PKIA: variants seen among roughly 807,000 people sequenced by gnomAD.
PKIA encodes the protein PKI-alpha.
In PKIA, 4 loss-of-function variants were observed where a neutral mutation model predicts 7.6. The ratio of observed to expected loss-of-function variants is 0.52; its 90% confidence interval spans 0.26 to 1.20. The LOEUF (loss-of-function observed/expected upper bound fraction) is 1.20, where lower values mean the gene tolerates loss of function less well. PKIA is among the 50% of genes most tolerant of loss of function. The probability of loss-of-function intolerance (pLI) is 0.13; values close to 1 mark genes in which losing one functional copy is unlikely to be tolerated. For synonymous variants in PKIA, 21 were observed against 30.7 expected (o/e 0.68, Z 1.04); for missense variants, 73 against 86.2 (o/e 0.85, Z 0.61).
intron 2 of PKIA, among the ~76,000 whole-genome samples, chr8:78,584,302 A>T (rs1371694029): frequency 6.6e-6 from 1 of 152,096 alleles, no homozygotes; most frequent in Non-Finnish European, 1.5e-5. Context: ...TAAGTTTAAA[A>T]GTCACCCTAG....
intron 1 of PKIA, among the ~76,000 whole-genome samples, chr8:78,542,654 T>C (rs1245467112): frequency 6.6e-6 from 1 of 152,126 alleles, no homozygotes; most frequent in East Asian, 1.9e-4. Context: ...TTTGGTTTCA[T>C]TTTTCTTCCT....
chr8:78,537,512 A>G (rs935718986), intron 1 of PKIA, among the ~76,000 whole-genome samples: 2 of 152,032 alleles, frequency 1.3e-5, no homozygotes, highest in Non-Finnish European at 2.9e-5. Flanking sequence ...AAAGTCTTCA[A>G]TTTTATCCAC....
At position 78,539,055 on chromosome 8, in the gene PKIA, G is replaced by A. The variant is rs550777864; in HGVS notation, c.-157+22587G>A. Among the ~76,000 whole-genome samples the A allele has an allele frequency of 2.6e-5, 4 of 152,170 alleles. No individual in the cohort carries two copies. The East Asian group carries it at 5.8e-4, about 22-fold the overall frequency. On this transcript the variant is annotated intron_variant, in intron 1 of 3. Transcript: ENST00000396418. ...ACAAGGTGAGTAATGAAAGGCAGAA[G>A]TGGTATATTGGCAGGCCTGGAAATC...
At position 78,601,815 on chromosome 8, in the gene PKIA, A is replaced by G. The variant is rs748058761; in HGVS notation, c.225A>G (p.Glu75=). The change falls in exon 4 of 4, where the codon GAA becomes GAG. Residue 75 remains glutamate, a synonymous_variant. Coordinates refer to ENST00000396418, the MANE Select transcript of PKIA (RefSeq NM_006823.4). The stretch of plus-strand genomic sequence containing the variant: ...CCCAGGGAGAAGCAGCAAAATCTGA[A>G]AGCTAACACCCCACTTTGACCCTCG... ...GEAQGEAAKS[E]S is the part of the protein sequence containing the mutation. 1 of 1,610,744 alleles carries G rather than the reference A, an allele frequency of 6.2e-7. No individual in the cohort carries two copies. The highest frequency in any genetic ancestry group is 1.1e-5 in the South Asian group (1 of 90,978).
chr8:78,523,836 T>C (rs943841843), intron 1 of PKIA, among the ~76,000 whole-genome samples: 4 of 148,010 alleles, frequency 2.7e-5, no homozygotes, highest in Admixed American at 6.9e-5. Context: ...ACTATGGTAA[T>C]ATATTAACAA....
At chr8:78,599,077 G>C (rs773537012) in intron 3 of PKIA, among the ~76,000 whole-genome samples, 11 of 151,964 alleles carry the variant, frequency 7.2e-5, no homozygotes, top group Non-Finnish European at 1.3e-4. Flanking sequence ...AGATAGAATG[G>C]GTTTGTGAAA....
intron 2 of PKIA, among the ~76,000 whole-genome samples, chr8:78,580,576 G>A (rs1462477414): frequency 6.6e-6 from 1 of 152,036 alleles, no homozygotes; most frequent in East Asian, 1.9e-4. Context: ...GTGAGCTGTT[G>A]AAAGTTATTG....
chr8:78,540,772 C>T (rs1202039920), intron 1 of PKIA, among the ~76,000 whole-genome samples: 2 of 151,676 alleles, frequency 1.3e-5, no homozygotes, highest in Non-Finnish European at 2.9e-5. Flanking sequence ...ACTCTAATTA[C>T]AATGATTCCA....
In PKIA at chr8:78,601,775, A is replaced by T. The variant is rs758540437; in HGVS notation, c.185A>T (p.Glu62Val). 1.2e-6 allele frequency: 2 copies of T among 1,612,440 alleles called. No individual in the cohort carries two copies. The highest frequency in any genetic ancestry group is 2.7e-5 in the African/African-American group (2 of 74,814). The change falls in exon 4 of 4, where the codon GAA becomes GTA. Residue 62 changes from glutamate to valine, a missense_variant. Physicochemically the swap from Glu to Val is moderately radical, Grantham distance 121. Coordinates refer to ENST00000396418, the MANE Select transcript of PKIA (RefSeq NM_006823.4). ...GAAGATGCACAACGAAGTTCTACAG[A>T]ACAAAGTGGGGAAGCCCAGGGAGAA... ...GEEDAQRSST[E>V]QSGEAQGEAA...
chr8:78,594,363 TAAAA>T (rs112951068), intron 2 of PKIA, among the ~76,000 whole-genome samples: 1 of 138,406 alleles, frequency 7.2e-6, no homozygotes, highest in African/African-American at 2.7e-5. Flanking sequence ...TGGTTGAAGT[TAAAA>T]AAAAAAAAAA....
chr8:78,524,271 T>C (rs1446463638), intron 1 of PKIA, among the ~76,000 whole-genome samples: 2 of 146,384 alleles, frequency 1.4e-5, no homozygotes, highest in South Asian at 4.2e-4. Context: ...TTTCTACTTA[T>C]AAGGTATAAT....
chr8:78,517,649 T>G (rs1809340923), intron 1 of PKIA, among the ~76,000 whole-genome samples: 1 of 152,190 alleles, frequency 6.6e-6, no homozygotes, highest in Admixed American at 6.5e-5. Flanking sequence ...CTCTAGTTTG[T>G]CTTGCCATTT....
chr8:78,548,751 T>C (rs917997231), intron 1 of PKIA, among the ~76,000 whole-genome samples: 18 of 152,092 alleles, frequency 1.2e-4, no homozygotes, highest in African/African-American at 4.3e-4. Context: ...CATGTTGACT[T>C]AGATATTAAG....
chr8:78,571,146 CTTT>C (rs76005007), intron 1 of PKIA, among the ~76,000 whole-genome samples: 1 of 139,908 alleles, frequency 7.1e-6, no homozygotes, highest in Non-Finnish European at 1.6e-5. Context: ...TTAATTTTTC[CTTT>C]TTTTTTTTTT....
chr8:78,548,616 G>A lies in PKIA; in HGVS notation c.-156-24195G>A, dbSNP rs552729811. Among the ~76,000 whole-genome samples, 7 of 152,178 alleles carry A rather than the reference G, an allele frequency of 4.6e-5. No homozygotes were observed. In the East Asian group the frequency reaches 1.4e-3, roughly 29 times the overall value. The stretch of plus-strand genomic sequence containing the variant: ...GTGGAAACAAAGAATTAAACAGCAA[G>A]GAAATTTGGTTTTCCTTAAGAACAC... On this transcript the variant is annotated intron_variant, in intron 1 of 3. Transcript: ENST00000396418.
chr8:78,553,264 A>C (rs1340276462), intron 1 of PKIA, among the ~76,000 whole-genome samples: 1 of 151,882 alleles, frequency 6.6e-6, no homozygotes, highest in Non-Finnish European at 1.5e-5. Flanking sequence ...ATAAACACCT[A>C]AAAAGTTCAG....
At chr8:78,591,011 T>C (rs1411586545) in intron 2 of PKIA, among the ~76,000 whole-genome samples, 2 of 152,170 alleles carry the variant, frequency 1.3e-5, no homozygotes, top group Non-Finnish European at 2.9e-5. Context: ...AAAAGGGGAA[T>C]TTTCTTTCTT....
intron 2 of PKIA, among the ~76,000 whole-genome samples, chr8:78,596,682 T>C (rs774685590): frequency 1.4e-4 from 22 of 152,248 alleles, no homozygotes; most frequent in Admixed American, 7.9e-4. Context: ...TTATGTCCCA[T>C]TTGTCAATTT....
Position 78,567,407 on chromosome 8 carries a change from C to T in PKIA, c.-156-5404C>T, listed in dbSNP as rs138798466. 6.0e-4 allele frequency among the ~76,000 whole-genome samples: 92 copies of T among 152,168 alleles called. No individual in the cohort carries two copies. The East Asian group carries it at 0.016, about 27-fold the overall frequency. ...CTTTCCTTATTTTTGAAGACCTTGA[C>T]AATTTTGGATAATACTGGACAGGTA... On this transcript the variant is annotated intron_variant, in intron 1 of 3. Coordinates refer to ENST00000396418, the MANE Select transcript of PKIA (RefSeq NM_006823.4).
Sources: gnomAD v4.1 joint callset for allele counts (sites outside exome capture counted in the v4.1 genomes callset) on GRCh38, gnomAD v4.1.1 for gene constraint, MANE v1.5 for transcripts, NCBI Gene and HGNC (gene_info 2026-07-23, HGNC 2026-07-21) for gene names.